ERC2: variants seen among roughly 807,000 people sequenced by gnomAD.
The protein encoded by ERC2 is ERC protein 2.
Under a neutral mutation model 114.8 loss-of-function variants are expected in ERC2, and 42 were observed. The ratio of observed to expected loss-of-function variants is 0.37; its 90% CI spans 0.29 to 0.47. The LOEUF (loss-of-function observed/expected upper bound fraction) is 0.47, where lower values mean the gene tolerates loss of function less well. Among genes scored for constraint, ERC2 ranks in the 20% least tolerant of loss-of-function variants. ERC2 has a pLI of 0.99. For missense variants in ERC2, 939 were observed against 1,150.7 expected, an observed-to-expected ratio of 0.82 and a Z score of 2.66; for synonymous variants, 454 against 425.5, an observed-to-expected ratio of 1.07 and a Z score of -0.82.
intron 12 of ERC2, among the ~76,000 whole-genome samples, chr3:55,985,154 T>C (rs535219329): frequency 6.6e-6 from 1 of 152,310 alleles, no homozygotes; most frequent in East Asian, 1.9e-4. Flanking sequence ...GATAAAGAAA[T>C]CACTACATAT....
chr3:55,864,184 C>CATAT (rs113564429), intron 14 of ERC2, among the ~76,000 whole-genome samples: 2 of 134,552 alleles, frequency 1.5e-5, no homozygotes, highest in South Asian at 2.4e-4. Context: ...TATATATACA[C>CATAT]ATATATATAT....
At chr3:56,114,966 G>A (rs1430536979) in intron 6 of ERC2, among the ~76,000 whole-genome samples, 2 of 152,184 alleles carry the variant, frequency 1.3e-5, no homozygotes, top group Non-Finnish European at 1.5e-5. Flanking sequence ...CATGCAGCCA[G>A]AGACCTCAAG....
intron 1 of ERC2, among the ~76,000 whole-genome samples, chr3:56,448,146 A>G (rs1033795828): frequency 3.9e-5 from 6 of 152,152 alleles, no homozygotes; most frequent in Non-Finnish European, 5.9e-5. Context: ...ATGTCCAGTA[A>G]TCCGTATATG....
intron 17 of ERC2, among the ~76,000 whole-genome samples, chr3:55,521,551 T>C (rs2107206109): frequency 6.6e-6 from 1 of 152,360 alleles, no homozygotes; most frequent in South Asian, 2.1e-4. Flanking sequence ...TGTCTGCATT[T>C]GCTTCAGGCT....
At chr3:55,822,967 C>T (rs2060190547) in intron 14 of ERC2, among the ~76,000 whole-genome samples, 1 of 152,152 alleles carries the variant, frequency 6.6e-6, no homozygotes, top group Non-Finnish European at 1.5e-5. Context: ...CAAACCCCTT[C>T]TTCTTTTTCT....
intron 7 of ERC2, among the ~76,000 whole-genome samples, chr3:56,048,070 AT>A (rs760389894): frequency 3.3e-5 from 5 of 152,208 alleles, no homozygotes; most frequent in Admixed American, 2.6e-4. Flanking sequence ...AATAAGAACA[AT>A]TTTTTAAAAA....
At chr3:56,179,396 G>A (rs2083161325) in intron 3 of ERC2, among the ~76,000 whole-genome samples, 2 of 152,170 alleles carry the variant, frequency 1.3e-5, no homozygotes, top group Admixed American at 6.5e-5. Flanking sequence ...ACATTGGAAG[G>A]TCTGAGCAAA....
chr3:56,060,793 A>G (rs1382903261), intron 7 of ERC2, among the ~76,000 whole-genome samples: 1 of 152,220 alleles, frequency 6.6e-6, no homozygotes, highest in African/African-American at 2.4e-5. Context: ...CTCAGGGCCA[A>G]TTCTCATTGA....
chr3:56,195,674 C>A lies in ERC2; in HGVS notation c.1075-22154G>T, dbSNP rs2048058290. The stretch of plus-strand genomic sequence containing the variant: ...GGAAACCTTGTCTCTACAAAAAATA[C>A]AAAAATTATCTGGGCATGGTGGTGT... On this transcript the variant is annotated intron_variant, in intron 3 of 17. Transcript: ENST00000288221. Among the ~76,000 whole-genome samples the A allele has an allele frequency of 2.0e-5, 3 of 151,728 alleles. 1 individual carries two copies. In the South Asian group the frequency reaches 6.3e-4, roughly 32 times the overall value.
intron 17 of ERC2, among the ~76,000 whole-genome samples, chr3:55,539,904 T>C (rs2107333057): frequency 1.3e-5 from 2 of 150,886 alleles, no homozygotes; most frequent in South Asian, 4.2e-4. Context: ...TAAATAATAC[T>C]AATTTAATAT....
intron 3 of ERC2, among the ~76,000 whole-genome samples, chr3:56,235,811 T>G (rs925120661): frequency 6.6e-6 from 1 of 152,222 alleles, no homozygotes; most frequent in African/African-American, 2.4e-5. Context: ...TAGCCACATG[T>G]GGCTAGCGGC....
At chr3:55,915,423 C>G (rs181484149) in intron 13 of ERC2, among the ~76,000 whole-genome samples, 9 of 152,128 alleles carry the variant, frequency 5.9e-5, no homozygotes, top group Non-Finnish European at 1.2e-4. Flanking sequence ...TCACGAGAAC[C>G]AAGAATCACT....
At chr3:55,778,386 T>G (rs2068775358) in intron 14 of ERC2, among the ~76,000 whole-genome samples, 2 of 152,340 alleles carry the variant, frequency 1.3e-5, no homozygotes, top group South Asian at 4.1e-4. Context: ...GAAGAGGTTA[T>G]TCTGTGTGTC....
chr3:56,195,243 C>T (rs568480686), intron 3 of ERC2, among the ~76,000 whole-genome samples: 11 of 152,172 alleles, frequency 7.2e-5, no homozygotes, highest in Admixed American at 5.9e-4. Context: ...GTGGCATAGA[C>T]AGCATGGAGA....
intron 2 of ERC2, among the ~76,000 whole-genome samples, chr3:56,353,724 C>T (rs905882190): frequency 5.3e-5 from 8 of 151,358 alleles, no homozygotes; most frequent in Non-Finnish European, 1.2e-4. Context: ...TTAATGGGTG[C>T]AGCACGCCAA....
At chr3:56,089,180 T>C (rs768501093) in intron 6 of ERC2, among the ~76,000 whole-genome samples, 3 of 152,204 alleles carry the variant, frequency 2.0e-5, no homozygotes, top group Non-Finnish European at 4.4e-5. Context: ...TGAAAGACTT[T>C]AATTAAAAGC....
At chr3:55,745,978 A>T (rs890027051) in intron 14 of ERC2, among the ~76,000 whole-genome samples, 3 of 152,202 alleles carry the variant, frequency 2.0e-5, no homozygotes, top group Non-Finnish European at 4.4e-5. Context: ...TTTATTTCTC[A>T]GTCTTTGCAC....
intron 6 of ERC2, among the ~76,000 whole-genome samples, chr3:56,090,055 C>T: frequency 6.6e-6 from 1 of 152,168 alleles, no homozygotes; most frequent in East Asian, 1.9e-4. Context: ...CATCAATGAC[C>T]TTGATGGCTG....
At chr3:55,829,229 G>T (rs745386745) in intron 14 of ERC2, among the ~76,000 whole-genome samples, 1 of 152,128 alleles carries the variant, frequency 6.6e-6, no homozygotes, top group Non-Finnish European at 1.5e-5. Context: ...AGATTACTCA[G>T]ATATTGACAA....
Sources: gnomAD v4.1 joint callset for allele counts (sites outside exome capture counted in the v4.1 genomes callset) on GRCh38, gnomAD v4.1.1 for gene constraint, MANE v1.5 for transcripts, NCBI Gene and HGNC (gene_info 2026-07-23, HGNC 2026-07-21) for gene names.